The following SRRM3 variants were observed in gnomAD, a reference collection of about 807,000 sequenced individuals.
SRRM3 encodes the protein serine/arginine repetitive matrix 3, also known as serine/arginine repetitive matrix protein 3.
SRRM3 carries 27 observed loss-of-function variants against 66.2 expected under a neutral mutation model. That is an observed-to-expected ratio of 0.41 (90% CI 0.30 to 0.56). The LOEUF is 0.56. Among genes scored for constraint, SRRM3 ranks in the 20% least tolerant of loss-of-function variants. SRRM3 has a pLI of 0.32. For synonymous variants in SRRM3, 391 were observed against 414.9 expected, an observed-to-expected ratio of 0.94 and a Z score of 0.70; for missense variants, 918 against 991.9, an observed-to-expected ratio of 0.93 and a Z score of 1.00.
At chr7:76,233,166 C>T (rs957432012) in intron 1 of SRRM3, among the ~76,000 whole-genome samples, 1 of 152,092 alleles carries the variant, frequency 6.6e-6, no homozygotes, top group African/African-American at 2.4e-5. Flanking sequence ...TTTTAATTAG[C>T]TGGGTATGGT....
intron 3 of SRRM3, among the ~76,000 whole-genome samples, chr7:76,252,186 T>C (rs1801596784): frequency 6.6e-6 from 1 of 151,942 alleles, no homozygotes; most frequent in African/African-American, 2.4e-5. Flanking sequence ...ATCTATCGAG[T>C]CGGAAGGGGA....
chr7:76,242,426 G>A (rs1465920904), intron 2 of SRRM3, among the ~76,000 whole-genome samples: 1 of 151,960 alleles, frequency 6.6e-6, no homozygotes, highest in Non-Finnish European at 1.5e-5. Context: ...TGGAGGTTGT[G>A]GTGAGCCGAG....
chr7:76,259,282 C>A (rs1475864804), intron 3 of SRRM3, among the ~76,000 whole-genome samples: 2 of 151,746 alleles, frequency 1.3e-5, no homozygotes, highest in Non-Finnish European at 2.9e-5. Flanking sequence ...AAGGAGTAGC[C>A]ACACACACCC....
intron 1 of SRRM3, among the ~76,000 whole-genome samples, chr7:76,203,340 A>C (rs1314548984): frequency 6.6e-6 from 1 of 152,212 alleles, no homozygotes; most frequent in Non-Finnish European, 1.5e-5. Context: ...CATGGGATCA[A>C]ATCTAGGTTA....
At position 76,285,351 on chromosome 7, in the gene SRRM3, A is replaced by T; in HGVS notation, c.1734-264A>T. ...AGTGCTGGGATTACAGGCGTGAGCC[A>T]CCGCGCCCAGCCTCAACAAGTATTT... On this transcript the variant is annotated intron_variant, in intron 14 of 14. Transcript: ENST00000611745. The surrounding 1 kb of genome is among the most constrained non-coding windows in gnomAD (Gnocchi z 4.1). 1 of 488,172 alleles carries T rather than the reference A, an allele frequency of 2.0e-6. No homozygotes were observed. Among genetic ancestry groups the T allele is most frequent in the South Asian group, 2.4e-5 (1 of 41,270 alleles). The allele number at this position is 488,172 out of a possible 1,614,324, so 30.2% of individuals were successfully genotyped here. A position where few individuals can be genotyped will look rare whatever the true frequency, so the allele number is the denominator to read the frequency against.
chr7:76,254,187 G>C (rs985177790), intron 3 of SRRM3, among the ~76,000 whole-genome samples: 2 of 151,334 alleles, frequency 1.3e-5, no homozygotes, highest in African/African-American at 4.9e-5. Context: ...TTGTTTTTTG[G>C]GTTTTTTTTT....
intron 1 of SRRM3, among the ~76,000 whole-genome samples, chr7:76,223,828 T>C (rs533404085): frequency 2.7e-5 from 1 of 37,362 alleles, no homozygotes; most frequent in South Asian, 1.3e-3. Flanking sequence ...TTGCCTTCCC[T>C]TCCCTTCCCT....
chr7:76,257,682 A>AG (rs1181674811), intron 3 of SRRM3, among the ~76,000 whole-genome samples: 1 of 151,614 alleles, frequency 6.6e-6, no homozygotes, highest in Admixed American at 6.6e-5. Context: ...CTGGAGTGGG[A>AG]GGATCGCTTG....
At chr7:76,209,451 G>T (rs782267980) in intron 1 of SRRM3, among the ~76,000 whole-genome samples, 11 of 152,116 alleles carry the variant, frequency 7.2e-5, no homozygotes, top group Non-Finnish European at 1.5e-4. Flanking sequence ...CAGAGGATTG[G>T]CACTCCAGAG....
At position 76,282,857 on chromosome 7, in the gene SRRM3, A is replaced by G. The variant is rs1802563149; in HGVS notation, c.1580A>G (p.Lys527Arg). The change falls in exon 13 of 15, where the codon AAG (lysine) becomes AGG (arginine). Residue 527 changes from lysine to arginine, a missense_variant. Transcript: ENST00000611745. The stretch of plus-strand genomic sequence containing the variant: ...AGCCCCAGCCGCTCGCCGTCGCCCA[A>G]GAAGCCCCTCAGCCGGTGAGTGCCC... ...PHSPSRSPSP[K>R]KPLSRDKDGE... 1 of 1,452,376 alleles carries G rather than the reference A, an allele frequency of 6.9e-7. No individual in the cohort carries two copies. Among genetic ancestry groups the G allele is most frequent in the African/African-American group, 1.5e-5 (1 of 67,858 alleles). 90.0% of individuals were successfully genotyped at this position (1,452,376 alleles called of 1,614,324 possible). A position where few individuals can be genotyped will look rare whatever the true frequency, so the allele number is the denominator to read the frequency against.
intron 1 of SRRM3, among the ~76,000 whole-genome samples, chr7:76,205,315 T>C (rs1583859312): frequency 1.3e-5 from 2 of 152,252 alleles, no homozygotes; most frequent in South Asian, 4.2e-4. Flanking sequence ...GTTCAAATGA[T>C]TCTCCTGCCT....
chr7:76,265,862 T>A (rs868952298), intron 10 of SRRM3, among the ~76,000 whole-genome samples: 12 of 19,326 alleles, frequency 6.2e-4, no homozygotes, highest in African/African-American at 2.6e-3. Context: ...ATATATATTT[T>A]TTTTTTTTTT....
intron 11 of SRRM3, 149 bp downstream of exon 11, chr7:76,267,584 G>A: frequency 1.5e-6 from 1 of 677,096 alleles, no homozygotes; most frequent in Non-Finnish European, 2.1e-6. Flanking sequence ...CTCCCCGCTG[G>A]GCGTCCTGGC....
chr7:76,240,771 G>A (rs1367921403), intron 2 of SRRM3, among the ~76,000 whole-genome samples: 1 of 152,186 alleles, frequency 6.6e-6, no homozygotes, highest in Admixed American at 6.5e-5. Context: ...AGAGTGGCAT[G>A]AGGACTAAGG....
chr7:76,281,848 C>T (rs190420597), intron 12 of SRRM3, 46 bp downstream of exon 12: 797 of 1,186,864 alleles, frequency 6.7e-4, no homozygotes, highest in Non-Finnish European at 8.0e-4. Flanking sequence ...CCACCCCGCA[C>T]AGGGCTCCCC....
rs1583882531 is a variant in SRRM3, at chr7:76,226,944, C to T, written c.-39-8084C>T. 2.6e-5 allele frequency among the ~76,000 whole-genome samples: 4 copies of T among 152,298 alleles called. No individual in the cohort carries two copies. In the South Asian group the frequency reaches 6.2e-4, roughly 24 times the overall value. On this transcript the variant is annotated intron_variant, in intron 1 of 14. Transcript: ENST00000611745. ...CCCAGACTTCCAGAGTAGGAAAGGA[C>T]CCTTGGGGTCTTTGAGTCATTGTTC...
chr7:76,273,998 C>T, intron 11 of SRRM3, among the ~76,000 whole-genome samples: 1 of 152,192 alleles, frequency 6.6e-6, no homozygotes, highest in East Asian at 1.9e-4. Flanking sequence ...TGTTTCTTTC[C>T]TGAACTGTAT....
At chr7:76,226,596 ATTTT>A (rs575003687) in intron 1 of SRRM3, among the ~76,000 whole-genome samples, 6,743 of 145,772 alleles carry the variant, frequency 0.046, 206 homozygotes, top group East Asian at 0.11. Context: ...TTATTTATTT[ATTTT>A]ATTTTTTGAG....
chr7:76,216,875 T>A (rs1554602649), intron 1 of SRRM3, among the ~76,000 whole-genome samples: 1 of 152,206 alleles, frequency 6.6e-6, no homozygotes, highest in African/African-American at 2.4e-5. Context: ...AAGTCAGTGA[T>A]GCTCCAGCCC....
Sources: allele counts gnomAD v4.1 joint callset (sites outside exome capture counted in the v4.1 genomes callset), GRCh38; gene constraint gnomAD v4.1.1; non-coding constraint Gnocchi (gnomAD v3.1); transcripts MANE v1.5; gene names NCBI Gene and HGNC (gene_info 2026-07-23, HGNC 2026-07-21).